The following ZNF570 variants were observed in gnomAD, a reference collection of about 807,000 sequenced individuals.
The protein encoded by ZNF570 is zinc finger protein 570.
In ZNF570, 8 loss-of-function variants were observed where a neutral mutation model predicts 14.2. That is an observed-to-expected ratio of 0.56 (90% CI 0.33 to 1.02). The LOEUF (loss-of-function observed/expected upper bound fraction) is 1.02, where lower values mean the gene tolerates loss of function less well. ZNF570 is among the 50% of genes least tolerant of loss of function. ZNF570 has a pLI of 0.03. For synonymous variants in ZNF570, 202 were observed against 207.6 expected, an observed-to-expected ratio of 0.97 and a Z score of 0.23; for missense variants, 559 against 624.9, an observed-to-expected ratio of 0.89 and a Z score of 1.12.
At chr19:37,476,622 C>G in intron 4 of ZNF570, 188 bp downstream of exon 4, 1 of 801,452 alleles carries the variant, frequency 1.2e-6, no homozygotes, top group South Asian at 4.0e-5. Context: ...TCTTACTTTC[C>G]TATCTCCTTT....
intron 2 of ZNF570, among the ~76,000 whole-genome samples, chr19:37,473,199 T>A (rs1317377820): frequency 1.3e-5 from 2 of 152,222 alleles, no homozygotes; most frequent in African/African-American, 2.4e-5. Context: ...TAGGGAAATG[T>A]ATCATGCAGC....
intron 2 of ZNF570, 82 bp downstream of exon 2, chr19:37,470,469 G>C: frequency 7.5e-7 from 1 of 1,337,904 alleles, no homozygotes; most frequent in Non-Finnish European, 1.1e-6. Context: ...CTGCTGAAAC[G>C]TTTCTGGGTA....
At position 37,484,275 on chromosome 19, in the gene ZNF570, T is replaced by C; in HGVS notation, c.653T>C (p.Leu218Ser). 1.2e-6 allele frequency: 2 copies of C among 1,613,144 alleles called. No individual in the cohort carries two copies. The highest frequency in any genetic ancestry group is 1.7e-6 in the Non-Finnish European group (2 of 1,179,834). Residue 218 changes from leucine (L) to serine (S), a missense_variant, in exon 5 of 5, where the codon TTG becomes TCG. Physicochemically the swap from Leu to Ser is moderately radical, Grantham distance 145. Transcript: ENST00000330173. Reference sequence around the variant, plus strand: ...AGTGTCTGTGCAGAGAAGAAACTTTTGAAATGTAATGACTGTGAAAAAGTC... The same window carrying C: ...AGTGTCTGTGCAGAGAAGAAACTTTCGAAATGTAATGACTGTGAAAAAGTC... ...PKSVCAEKKL[L>S]KCNDCEKVFS...
Position 37,470,316 on chromosome 19 carries a change from A to G in ZNF570, c.-39A>G. 6.2e-7 allele frequency: 1 copy of G among 1,614,036 alleles called. No homozygotes were observed. Among genetic ancestry groups the G allele is most frequent in the Non-Finnish European group, 8.5e-7 (1 of 1,179,940 alleles). The stretch of plus-strand genomic sequence containing the variant: ...TTCCCCATCTCAGTCATCTGAGGCC[A>G]CTGCTATTTCCCAAGAGAAGAGCCA... On this transcript the variant is annotated 5_prime_UTR_variant, in exon 2 of 5. Coordinates refer to ENST00000330173, the MANE Select transcript of ZNF570 (RefSeq NM_144694.5).
chr19:37,471,077 G>A (rs1364871161), intron 2 of ZNF570, among the ~76,000 whole-genome samples: 3 of 138,884 alleles, frequency 2.2e-5, no homozygotes, highest in African/African-American at 5.6e-5. Flanking sequence ...ACAGTGGCAC[G>A]ATCTAGGCTC....
intron 4 of ZNF570, among the ~76,000 whole-genome samples, chr19:37,479,858 C>T (rs1052335700): frequency 3.3e-5 from 5 of 151,918 alleles, no homozygotes; most frequent in African/African-American, 1.2e-4. Context: ...CTTTATTCTC[C>T]GGCTTGCTGT....
upstream of ZNF570, chr19:37,469,048 G>T (rs1301013675): frequency 2.0e-6 from 2 of 993,224 alleles, no homozygotes; most frequent in Non-Finnish European, 2.4e-6. Flanking sequence ...CGCGCAGAGC[G>T]CTTGTGCCTG....
Position 37,485,362 on chromosome 19 carries a change from T to C in ZNF570, c.*129T>C, listed in dbSNP as rs1434258996. ...CAGGTTTTCCTGTATTTATTTTTGCTACCTTTAAATCCATTTCCCACAATG... is the reference window on the plus strand; with the variant it reads ...CAGGTTTTCCTGTATTTATTTTTGCCACCTTTAAATCCATTTCCCACAATG... On this transcript the variant is annotated 3_prime_UTR_variant, in exon 5 of 5. Transcript: ENST00000330173. 2.1e-6 allele frequency: 2 copies of C among 945,772 alleles called. No individual in the cohort carries two copies. Among genetic ancestry groups the C allele is most frequent in the East Asian group, 2.9e-5 (1 of 34,876 alleles). The allele number at this position is 945,772 out of a possible 1,614,324, so 58.6% of individuals were successfully genotyped here.
Position 37,485,021 on chromosome 19 carries a change from G to A in ZNF570, c.1399G>A (p.Glu467Lys). Residue 467 changes from glutamate to lysine, a missense_variant, in exon 5 of 5, where the codon GAG (glutamate) becomes AAG (lysine). By Grantham distance (56) the Glu-to-Lys change is moderately conservative (BLOSUM62 1). Coordinates refer to ENST00000330173, the MANE Select transcript of ZNF570 (RefSeq NM_144694.5). Reference sequence around the variant, plus strand: ...TCAACATCAGCGAGTTCATACTGGAGAGAAACCTTATGAATGTACTGTTTG... The same window carrying A: ...TCAACATCAGCGAGTTCATACTGGAAAGAAACCTTATGAATGTACTGTTTG... ...LTQHQRVHTG[E>K]KPYECTVCGK... 2 of 1,614,078 alleles carry A rather than the reference G, an allele frequency of 1.2e-6. No individual in the cohort carries two copies. Among genetic ancestry groups the A allele is most frequent in the Non-Finnish European group, 1.7e-6 (2 of 1,180,006 alleles).
At chr19:37,475,106 G>C (rs1393181874) in intron 2 of ZNF570, among the ~76,000 whole-genome samples, 1 of 151,834 alleles carries the variant, frequency 6.6e-6, no homozygotes, top group African/African-American at 2.4e-5. Context: ...TGGGACTACA[G>C]GCATGTGCCA....
intron 4 of ZNF570, among the ~76,000 whole-genome samples, chr19:37,480,971 A>G (rs980646362): frequency 2.6e-5 from 4 of 151,954 alleles, no homozygotes; most frequent in Non-Finnish European, 5.9e-5. Flanking sequence ...AAAACAAAAA[A>G]TTATCCATGT....
rs536374875 is a variant in ZNF570 at position 37,478,295 on chromosome 19, GTTAGA to G, written c.256+1865_256+1869del. 3.8e-3 allele frequency among the ~76,000 whole-genome samples: 573 copies of G among 152,110 alleles called. 1 individual carries two copies. The highest frequency in any genetic ancestry group is 0.013 in the African/African-American group (530 of 41,522). Reference sequence around the variant, plus strand: ...CCAAAAAAGGCTTTGCACATCTTCTGTTAGATTAAATTGTAAACATTAAACATATT... The same window carrying G: ...CCAAAAAAGGCTTTGCACATCTTCTGTTAAATTGTAAACATTAAACATATT... On this transcript the variant is annotated intron_variant, in intron 4 of 4. Coordinates refer to ENST00000330173, the MANE Select transcript of ZNF570 (RefSeq NM_144694.5).
In ZNF570 at chr19:37,484,255, C is replaced by T; in HGVS notation, c.633C>T (p.Val211=). 6.2e-7 allele frequency: 1 copy of T among 1,613,820 alleles called. No individual in the cohort carries two copies. Among genetic ancestry groups the T allele is most frequent in the Non-Finnish European group, 8.5e-7 (1 of 1,179,980 alleles). ...TAATGGCTATTAAGCCCAAGAGTGT[C>T]TGTGCAGAGAAGAAACTTTTGAAAT... is the stretch of plus-strand genomic sequence containing the variant. ...KNLMAIKPKS[V]CAEKKLLKCN... is the part of the protein sequence containing the mutation. Residue 211 remains valine (V), a synonymous_variant, in exon 5 of 5, where the codon GTC becomes GTT. Transcript: ENST00000330173.
At chr19:37,469,084 T>G, upstream of ZNF570, 1 of 1,030,230 alleles carries the variant, frequency 9.7e-7, no homozygotes, top group African/African-American at 1.7e-5. Context: ...GCCCGTGTAG[T>G]GTGACGCTGG....
chr19:37,481,395 T>C (rs2042086717), intron 4 of ZNF570, among the ~76,000 whole-genome samples: 1 of 152,122 alleles, frequency 6.6e-6, no homozygotes, highest in African/African-American at 2.4e-5. Context: ...GCTCGTGATC[T>C]GCCCGCCTCA....
At chr19:37,480,263 A>T (rs1159634183) in intron 4 of ZNF570, among the ~76,000 whole-genome samples, 1 of 152,188 alleles carries the variant, frequency 6.6e-6, no homozygotes, top group Non-Finnish European at 1.5e-5. Flanking sequence ...AGGCGGGTGG[A>T]TCACGAGGTC....
upstream of ZNF570, among the ~76,000 whole-genome samples, chr19:37,468,258 G>GT (rs1259109659): frequency 1.4e-5 from 2 of 146,250 alleles, no homozygotes; most frequent in East Asian, 4.4e-4. Context: ...GCTGATTTTT[G>GT]TTTGTTTGTT....
chr19:37,469,410 G>C lies in ZNF570; in HGVS notation c.-199G>C. ...TCCATCCAACTAAGGGTAGCGGTGA[G>C]ACCCGAGTGCAGATTCCCCGAGCCT... On this transcript the variant is annotated 5_prime_UTR_variant, in exon 1 of 5. Coordinates refer to ENST00000330173, the MANE Select transcript of ZNF570 (RefSeq NM_144694.5). The C allele has an allele frequency of 1.3e-6, 2 of 1,524,670 alleles. No individual in the cohort carries two copies. Among genetic ancestry groups the C allele is most frequent in the South Asian group, 2.4e-5 (2 of 82,428 alleles). The allele number at this position is 1,524,670 out of a possible 1,614,324, so 94.4% of individuals were successfully genotyped here. A position where few individuals can be genotyped will look rare whatever the true frequency, so the allele number is the denominator to read the frequency against.
rs1013896850 is a variant in ZNF570 at position 37,485,552 on chromosome 19, G to C, written c.*319G>C. The stretch of plus-strand genomic sequence containing the variant: ...TTCTCATGCATCAGCCTCCCGAGTA[G>C]CTGGGACTATAGACATGCACCACCA... On this transcript the variant is annotated 3_prime_UTR_variant, in exon 5 of 5. Transcript: ENST00000330173. 8.7e-6 allele frequency: 2 copies of C among 228,934 alleles called. No homozygotes were observed. Among genetic ancestry groups the C allele is most frequent in the East Asian group, 1.9e-4 (2 of 10,584 alleles). 14.2% of individuals were successfully genotyped at this position (228,934 alleles called of 1,614,324 possible).
Sources: allele counts gnomAD v4.1 joint callset (sites outside exome capture counted in the v4.1 genomes callset), GRCh38; gene constraint gnomAD v4.1.1; transcripts MANE v1.5; gene names NCBI Gene and HGNC (gene_info 2026-07-23, HGNC 2026-07-21).